Variants in DAPK2 observed in about 807,000 individuals in gnomAD.
The protein encoded by DAPK2 is death-associated protein kinase 2.
In DAPK2, 35 loss-of-function variants were observed where a neutral mutation model predicts 44.1. That is an observed-to-expected ratio of 0.79 (90% CI 0.61 to 1.05). The LOEUF (loss-of-function observed/expected upper bound fraction) is 1.05, where lower values mean the gene tolerates loss of function less well. Ranked by LOEUF, DAPK2 falls within the 50% of genes least tolerant of loss-of-function variation. The pLI is 0.00. For synonymous variants in DAPK2, 174 were observed against 182.6 expected (o/e 0.95, Z 0.38); for missense variants, 453 against 483.2 (o/e 0.94, Z 0.59).
chr15:64,023,380 A>C lies in DAPK2; in HGVS notation c.92+16790T>G, dbSNP rs191925461. On this transcript the variant is annotated intron_variant, in intron 1 of 10. Coordinates refer to ENST00000261891, the Ensembl canonical transcript of DAPK2. ...GTGGGAAGTAAACCTAGAAGCCATAAAGGAATTGGCTTGTGGAGTCACTGT... is the reference window on the plus strand; with the variant it reads ...GTGGGAAGTAAACCTAGAAGCCATACAGGAATTGGCTTGTGGAGTCACTGT... 2.2e-4 allele frequency among the ~76,000 whole-genome samples: 33 copies of C among 152,338 alleles called. No individual in the cohort carries two copies. In the East Asian group the frequency reaches 6.2e-3, roughly 28 times the overall value.
chr15:64,006,147 G>A (rs768932530), intron 1 of DAPK2, among the ~76,000 whole-genome samples: 1 of 151,912 alleles, frequency 6.6e-6, no homozygotes, highest in Non-Finnish European at 1.5e-5. Context: ...ACTCCTGAGA[G>A]GGTGTCAGGA....
At chr15:63,921,869 G>A (rs2079081495) in intron 8 of DAPK2, 1 of 152,156 alleles carries the variant, frequency 6.6e-6, no homozygotes, top group African/African-American at 2.4e-5. Flanking sequence ...GGGATGGGTA[G>A]GGACAATGAC....
At chr15:63,947,877 C>G (rs2077489379) in intron 3 of DAPK2, among the ~76,000 whole-genome samples, 1 of 152,148 alleles carries the variant, frequency 6.6e-6, no homozygotes, top group Non-Finnish European at 1.5e-5. Flanking sequence ...CATCTCCATT[C>G]ATGCAACAAG....
chr15:63,998,782 T>C (rs57896690), intron 1 of DAPK2, among the ~76,000 whole-genome samples: 4,026 of 152,260 alleles, frequency 0.026, 180 homozygotes, highest in African/African-American at 0.093. Context: ...TGTAGTCTCC[T>C]GAAAGGAAGG....
At chr15:63,926,147 G>A in intron 6 of DAPK2, 54 bp from the exon 8 acceptor site, 1 of 1,554,300 alleles carries the variant, frequency 6.4e-7, no homozygotes, top group Non-Finnish European at 8.7e-7. Flanking sequence ...GTGGAAATGG[G>A]GATTACGGAC....
intron 2 of DAPK2, among the ~76,000 whole-genome samples, chr15:63,981,370 T>G (rs1376728109): frequency 1.4e-4 from 21 of 152,098 alleles, no homozygotes; most frequent in Non-Finnish European, 2.4e-4. Flanking sequence ...ATAAATACCT[T>G]TTCCTTATAA....
Position 64,013,301 on chromosome 15 carries a change from T to C in DAPK2, c.92+26869A>G, listed in dbSNP as rs2141031687. On this transcript the variant is annotated intron_variant, in intron 1 of 10. Coordinates refer to ENST00000261891, the Ensembl canonical transcript of DAPK2. This position sits in a 1 kb window ranked among gnomAD's most constrained non-coding sequence, Gnocchi z 4.7. The stretch of plus-strand genomic sequence containing the variant: ...CTTTATACAAGGGTTAAGATCTTGT[T>C]CTTCATTACTGAGATTTTAAGCTGG... Among the ~76,000 whole-genome samples, 1 of 152,350 alleles carries C rather than the reference T, an allele frequency of 6.6e-6. No homozygotes were observed. Among genetic ancestry groups the C allele is most frequent in the South Asian group, 2.1e-4 (1 of 4,828 alleles).
At chr15:63,998,926 T>A (rs1480461759) in intron 1 of DAPK2, among the ~76,000 whole-genome samples, 1 of 152,134 alleles carries the variant, frequency 6.6e-6, no homozygotes, top group African/African-American at 2.4e-5. Flanking sequence ...CCACCAAATA[T>A]TGGAAGAAGG....
intron 1 of DAPK2, among the ~76,000 whole-genome samples, chr15:64,004,294 T>G (rs1021473268): frequency 1.3e-5 from 2 of 152,200 alleles, no homozygotes; most frequent in Non-Finnish European, 2.9e-5. Flanking sequence ...AGAGGCTTGA[T>G]CAGATTCAGG....
intron 3 of DAPK2, among the ~76,000 whole-genome samples, chr15:63,960,402 G>A (rs1400887745): frequency 1.3e-5 from 2 of 149,956 alleles, no homozygotes; most frequent in African/African-American, 4.9e-5. Flanking sequence ...GCTTTTGAAT[G>A]TGTTTGCTCT....
intron 1 of DAPK2, chr15:63,991,267 T>C (rs1437762836): frequency 2.0e-5 from 9 of 456,270 alleles, no homozygotes; most frequent in South Asian, 1.4e-4. Context: ...TAGATGGGCA[T>C]GACAGGAGTG....
chr15:63,971,950 A>T (rs2078225502), intron 2 of DAPK2, among the ~76,000 whole-genome samples: 1 of 152,324 alleles, frequency 6.6e-6, no homozygotes, highest in Non-Finnish European at 1.5e-5. Context: ...TGAAATTCTA[A>T]CCCCCAAGGT....
At chr15:64,002,974 C>CGGGTGTGTGTGTG (rs1491415340) in intron 1 of DAPK2, among the ~76,000 whole-genome samples, 1 of 51,594 alleles carries the variant, frequency 1.9e-5, no homozygotes. Flanking sequence ...GTCGTGGGAC[C>CGGGTGTGTGTGTG]TGTGTGTGTG....
chr15:63,946,244 C>T (rs2077446898), intron 3 of DAPK2, among the ~76,000 whole-genome samples: 1 of 152,254 alleles, frequency 6.6e-6, no homozygotes, highest in Non-Finnish European at 1.5e-5. Context: ...GCTGTGGTGC[C>T]GACCAGAAGG....
intron 1 of DAPK2, among the ~76,000 whole-genome samples, chr15:63,998,766 G>A (rs57651594): frequency 0.041 from 6,179 of 152,270 alleles, 425 homozygotes; most frequent in African/African-American, 0.14. Context: ...GAATCTCACC[G>A]TGGGCTGTAG....
intron 1 of DAPK2, among the ~76,000 whole-genome samples, chr15:64,008,608 A>G (rs1359132806): frequency 6.6e-6 from 1 of 152,242 alleles, no homozygotes; most frequent in Admixed American, 6.5e-5. Context: ...AATTATATAA[A>G]CATTAAAATA....
chr15:64,017,792 A>G (rs575362862), intron 1 of DAPK2, among the ~76,000 whole-genome samples: 6 of 152,346 alleles, frequency 3.9e-5, no homozygotes, highest in African/African-American at 1.4e-4. Flanking sequence ...GATTATTACA[A>G]TGATTCCCAT....
chr15:64,040,340 C>T (rs892165974), upstream of DAPK2: 29 of 1,159,488 alleles, frequency 2.5e-5, no homozygotes, highest in African/African-American at 4.5e-5. Context: ...AAGGCCTAAA[C>T]GTAATTGGCT....
intron 1 of DAPK2, among the ~76,000 whole-genome samples, chr15:64,004,905 T>G (rs879494625): frequency 2.0e-5 from 3 of 152,220 alleles, no homozygotes; most frequent in Non-Finnish European, 4.4e-5. Flanking sequence ...GACTTATCTT[T>G]CCTTTGAAAC....
Sources: gnomAD v4.1 joint callset for allele counts (sites outside exome capture counted in the v4.1 genomes callset) on GRCh38, gnomAD v4.1.1 for gene constraint, Gnocchi (gnomAD v3.1) non-coding constraint, MANE v1.5 for transcripts, NCBI Gene and HGNC (gene_info 2026-07-23, HGNC 2026-07-21) for gene names.